Variants in CXCL14 observed in about 807,000 individuals in gnomAD.
The protein encoded by CXCL14 is C-X-C motif chemokine ligand 14.
Under a neutral mutation model 16.1 loss-of-function variants are expected in CXCL14, and 9 were observed. The ratio of observed to expected loss-of-function variants is 0.56; its 90% CI spans 0.34 to 0.97. The LOEUF is 0.97. Among genes scored for constraint, CXCL14 ranks in the 50% least tolerant of loss-of-function variants. The pLI is 0.02. For synonymous variants in CXCL14, 55 were observed against 52.8 expected (o/e 1.04, Z -0.18); for missense variants, 111 against 132.5 (o/e 0.84, Z 0.80).
chr5:135,572,105 T>C (rs772438991), intron 3 of CXCL14, among the ~76,000 whole-genome samples: 2 of 152,164 alleles, frequency 1.3e-5, no homozygotes, highest in African/African-American at 2.4e-5. Flanking sequence ...ACTTCTGCAA[T>C]CTCATTTTGT....
chr5:135,573,442 G>C (rs1751053335), intron 3 of CXCL14, among the ~76,000 whole-genome samples: 1 of 152,230 alleles, frequency 6.6e-6, no homozygotes, highest in South Asian at 2.1e-4. Flanking sequence ...TCAGCTCTGG[G>C]AGAGCTGGTC....
intron 2 of CXCL14, among the ~76,000 whole-genome samples, chr5:135,577,481 C>A (rs377522122): frequency 1.1e-4 from 16 of 152,188 alleles, no homozygotes; most frequent in African/African-American, 3.9e-4. Context: ...AGCCCCTAGA[C>A]GGGGATGGGG....
At chr5:135,571,931 T>A in intron 3 of CXCL14, 63 bp from the exon 4 acceptor site, 4 of 1,564,896 alleles carry the variant, frequency 2.6e-6, no homozygotes, top group Non-Finnish European at 3.5e-6. Flanking sequence ...CACAAGATGC[T>A]GGCTAAGCGG....
chr5:135,574,791 G>A (rs892835041), intron 2 of CXCL14, 106 bp from the exon 3 acceptor site: 2 of 885,830 alleles, frequency 2.3e-6, no homozygotes, highest in African/African-American at 3.3e-5. Context: ...CTGAGAGACT[G>A]TGGCTTCCTG....
At chr5:135,574,348 C>T (rs1751067286) in intron 3 of CXCL14, among the ~76,000 whole-genome samples, 1 of 152,218 alleles carries the variant, frequency 6.6e-6, no homozygotes, top group Admixed American at 6.5e-5. Context: ...ACAAACCTGC[C>T]ATGCTTGCAA....
chr5:135,574,804 T>A (rs1751075614), intron 2 of CXCL14, 119 bp from the exon 3 acceptor site: 1 of 796,508 alleles, frequency 1.3e-6, no homozygotes, highest in Non-Finnish European at 2.1e-6. Flanking sequence ...GCTTCCTGCC[T>A]CCTCTCAAGG....
intron 2 of CXCL14, 74 bp from the exon 3 acceptor site, chr5:135,574,759 A>T: frequency 2.4e-6 from 3 of 1,263,454 alleles, no homozygotes; most frequent in Non-Finnish European, 3.5e-6. Context: ...GCCTGTGAGT[A>T]GCCCTGGGCT....
At chr5:135,574,535 T>A (rs2126865001) in intron 3 of CXCL14, 37 bp downstream of exon 3, 1 of 1,560,348 alleles carries the variant, frequency 6.4e-7, no homozygotes, top group East Asian at 2.3e-5. Context: ...CACAGCTGGG[T>A]CTGGTGGGAA....
rs1751028238 is a variant in CXCL14, at chr5:135,571,566, T to C, written c.*287A>G. 2 of 441,796 alleles carry C rather than the reference T, an allele frequency of 4.5e-6. No homozygotes were observed. Among genetic ancestry groups the C allele is most frequent in the South Asian group, 4.4e-5 (1 of 22,732 alleles). 27.4% of individuals were successfully genotyped at this position (441,796 alleles called of 1,614,324 possible). ...AAGCATTTTTTAAAAAGGAAAGGCA[T>C]GAGTTTTCCCCTTTTTGATAAAAAG... On this transcript the variant is annotated 3_prime_UTR_variant, in exon 4 of 4. Coordinates refer to ENST00000512158, the MANE Select transcript of CXCL14 (RefSeq NM_004887.5).
At position 135,571,742 on chromosome 5, in the gene CXCL14, C is replaced by CT. The variant is rs566365690; in HGVS notation, c.*110dup. The CT allele has an allele frequency of 5.0e-4, 230 of 460,568 alleles. 17 individuals carry two copies. Among genetic ancestry groups the CT allele is most frequent in the Admixed American group, 7.7e-4 (12 of 15,540 alleles). The allele number at this position is 460,568 out of a possible 1,614,324, so 28.5% of individuals were successfully genotyped here. A position where few individuals can be genotyped will look rare whatever the true frequency, so the allele number is the denominator to read the frequency against. On this transcript the variant is annotated 3_prime_UTR_variant, in exon 4 of 4. Coordinates refer to ENST00000512158, the MANE Select transcript of CXCL14 (RefSeq NM_004887.5). ...GTCTTATGCCTGTGAGAAAGAAAGG[C>CT]TTTTTTTTTTTTTTTTTTTTTTTTT...
rs893968652 is a variant in CXCL14, at chr5:135,574,803, C to T, written c.171-118G>A. On this transcript the variant is annotated intron_variant, in intron 2 of 3. Coordinates refer to ENST00000512158, the MANE Select transcript of CXCL14 (RefSeq NM_004887.5). ...GCCCTGAGAGACTGTGGCTTCCTGC[C>T]TCCTCTCAAGGGAGCCGACTTGTGT... The T allele has an allele frequency of 4.9e-6, 4 of 812,498 alleles. No homozygotes were observed. In the African/African-American group the frequency reaches 6.8e-5, roughly 14 times the overall value. The allele number at this position is 812,498 out of a possible 1,614,324, so 50.3% of individuals were successfully genotyped here.
intron 3 of CXCL14, 87 bp downstream of exon 3, chr5:135,574,485 T>A (rs1014426084): frequency 3.3e-5 from 32 of 983,278 alleles, no homozygotes; most frequent in Non-Finnish European, 3.2e-5. Flanking sequence ...TAGATGGGGC[T>A]AGATGACCTG....
chr5:135,573,307 T>A (rs1751052374), intron 3 of CXCL14, among the ~76,000 whole-genome samples: 1 of 152,242 alleles, frequency 6.6e-6, no homozygotes, highest in Admixed American at 6.5e-5. Flanking sequence ...GAAAGAGGGC[T>A]TCATTCCCAG....
chr5:135,574,702 T>A lies in CXCL14; in HGVS notation c.171-17A>T. On this transcript the variant is annotated splice_polypyrimidine_tract_variant and intron_variant, in intron 2 of 3. Transcript: ENST00000512158. ...GTGGTGATGCTGAAACGGAGCAGGA[T>A]GAGGTGGAGGGTTGAGGAGCCTGAA... 1 of 1,601,408 alleles carries A rather than the reference T, an allele frequency of 6.2e-7. No individual in the cohort carries two copies. Among genetic ancestry groups the A allele is most frequent in the Non-Finnish European group, 8.6e-7 (1 of 1,168,880 alleles).
In CXCL14 at chr5:135,578,530, C is replaced by G. The variant is rs1409302186; in HGVS notation, c.74G>C (p.Cys25Ser). The G allele has an allele frequency of 1.2e-6, 2 of 1,614,200 alleles. No homozygotes were observed. Among genetic ancestry groups the G allele is most frequent in the Non-Finnish European group, 1.7e-6 (2 of 1,180,034 alleles). ...CTTGGGTCCCTTCCGGGAGCACTTGCATTTGGACCCTGCGAGCGAGCGCGG... is the reference window on the plus strand; with the variant it reads ...CTTGGGTCCCTTCCGGGAGCACTTGGATTTGGACCCTGCGAGCGAGCGCGG... ...LYTARVDGSK[C>S]KCSRKGPKIR... Residue 25 changes from cysteine to serine, a missense_variant, in exon 2 of 4, where the codon TGC becomes TCC. Cys to Ser is a moderately radical substitution (Grantham distance 112). Transcript: ENST00000512158.
chr5:135,578,138 A>ATGGCCCTAGCAGAGTGGG (rs1452509842), intron 2 of CXCL14, among the ~76,000 whole-genome samples: 23 of 152,206 alleles, frequency 1.5e-4, no homozygotes, highest in African/African-American at 5.3e-4. Context: ...TTAACCCTTG[A>ATGGCCCTAGCAGAGTGGG]TGGCCCTAGC....
intron 3 of CXCL14, 64 bp from the exon 4 acceptor site, chr5:135,571,932 G>T: frequency 6.5e-7 from 1 of 1,550,242 alleles, no homozygotes; most frequent in Non-Finnish European, 8.9e-7. Context: ...ACAAGATGCT[G>T]GCTAAGCGGC....
intron 2 of CXCL14, among the ~76,000 whole-genome samples, chr5:135,577,870 G>A (rs1196964157): frequency 1.7e-4 from 26 of 152,198 alleles, no homozygotes; most frequent in Admixed American, 1.6e-3. Context: ...GTACTGCTCC[G>A]TATTGGGGAC....
chr5:135,578,759 G>A lies in CXCL14; in HGVS notation c.20C>T (p.Ala7Val), dbSNP rs1751162737. The stretch of plus-strand genomic sequence containing the variant: ...CAGCGCCAGCAGCAGCAGGAGCAGC[G>A]CGGCCGCCAGGAGCCTCATGCTGAC... Reference protein sequence around the residue: MRLLAAALLLLLLALYT... With the variant: MRLLAAVLLLLLLALYT... The change falls in exon 1 of 4, where the codon GCG becomes GTG. Residue 7 changes from alanine to valine, a missense_variant. Ala to Val is a moderately conservative substitution (Grantham distance 64). Coordinates refer to ENST00000512158, the MANE Select transcript of CXCL14 (RefSeq NM_004887.5). 1 of 1,546,378 alleles carries A rather than the reference G, an allele frequency of 6.5e-7. No individual in the cohort carries two copies. Among genetic ancestry groups the A allele is most frequent in the Non-Finnish European group, 8.7e-7 (1 of 1,145,908 alleles).
Sources: allele counts gnomAD v4.1 joint callset (sites outside exome capture counted in the v4.1 genomes callset), GRCh38; gene constraint gnomAD v4.1.1; transcripts MANE v1.5; gene names NCBI Gene and HGNC (gene_info 2026-07-23, HGNC 2026-07-21).